The following BMP5 variants were observed in gnomAD, a reference collection of about 807,000 sequenced individuals.
The protein encoded by BMP5 is bone morphogenetic protein 5.
In BMP5, 23 loss-of-function variants were observed where a neutral mutation model predicts 46.6. The ratio of observed to expected loss-of-function variants is 0.49; its 90% CI spans 0.35 to 0.70. The LOEUF (loss-of-function observed/expected upper bound fraction) is 0.70. BMP5 is among the 30% of genes least tolerant of loss of function. The probability of loss-of-function intolerance (pLI) is 0.00; values close to 1 mark genes in which losing one functional copy is unlikely to be tolerated. For synonymous variants in BMP5, 204 were observed against 191.9 expected, an observed-to-expected ratio of 1.06 and a Z score of -0.52; for missense variants, 545 against 565.6, an observed-to-expected ratio of 0.96 and a Z score of 0.37.
chr6:55,849,079 A>C (rs1210384818), intron 1 of BMP5, among the ~76,000 whole-genome samples: 1 of 152,022 alleles, frequency 6.6e-6, no homozygotes, highest in Non-Finnish European at 1.5e-5. Flanking sequence ...AATTAGCCTC[A>C]TTGCATTTTT....
At chr6:55,756,222 C>T (rs1200372862) in intron 6 of BMP5, among the ~76,000 whole-genome samples, 1 of 151,890 alleles carries the variant, frequency 6.6e-6, no homozygotes, top group African/African-American at 2.4e-5. Context: ...CCAATACTTG[C>T]CTTAGAGCAA....
intron 1 of BMP5, among the ~76,000 whole-genome samples, chr6:55,849,289 T>C (rs1239614838): frequency 6.6e-6 from 1 of 152,036 alleles, no homozygotes; most frequent in African/African-American, 2.4e-5. Flanking sequence ...ATATAAATAA[T>C]ATCAGGTGCT....
intron 1 of BMP5, among the ~76,000 whole-genome samples, chr6:55,837,373 A>AGATG (rs1295671459): frequency 6.6e-6 from 1 of 151,356 alleles, no homozygotes. Flanking sequence ...ATAGATAGAT[A>AGATG]GATAGACAGA....
intron 3 of BMP5, among the ~76,000 whole-genome samples, chr6:55,784,737 A>G (rs1775406018): frequency 6.6e-6 from 1 of 151,750 alleles, no homozygotes; most frequent in Non-Finnish European, 1.5e-5. Flanking sequence ...AAATATAAAA[A>G]CCCAAAAATA....
chr6:55,788,770 A>G (rs1295730667), intron 3 of BMP5, among the ~76,000 whole-genome samples: 1 of 151,898 alleles, frequency 6.6e-6, no homozygotes, highest in African/African-American at 2.4e-5. Context: ...ATTTTAATCT[A>G]ATTTTCCTAA....
intron 1 of BMP5, among the ~76,000 whole-genome samples, chr6:55,843,103 A>C (rs1777003460): frequency 6.6e-6 from 1 of 152,104 alleles, no homozygotes; most frequent in Non-Finnish European, 1.5e-5. Context: ...TAAAGCATTA[A>C]GATTTTTTCT....
chr6:55,842,305 C>T (rs1379996708), intron 1 of BMP5, among the ~76,000 whole-genome samples: 4 of 152,028 alleles, frequency 2.6e-5, no homozygotes, highest in African/African-American at 9.7e-5. Context: ...GGACCCTAAC[C>T]GAATGTTCAA....
At chr6:55,869,487 AT>A (rs1252713119) in intron 1 of BMP5, among the ~76,000 whole-genome samples, 7 of 152,146 alleles carry the variant, frequency 4.6e-5, no homozygotes, top group African/African-American at 7.2e-5. Context: ...TCAAAAAAAA[AT>A]AATTTCTTCA....
At chr6:55,831,841 A>C (rs543954574) in intron 1 of BMP5, among the ~76,000 whole-genome samples, 68 of 152,264 alleles carry the variant, frequency 4.5e-4, no homozygotes, top group African/African-American at 1.6e-3. Flanking sequence ...AGGCGAACAG[A>C]AGATTTTACA....
At chr6:55,790,161 G>A (rs1239861868) in intron 3 of BMP5, among the ~76,000 whole-genome samples, 23 of 151,972 alleles carry the variant, frequency 1.5e-4, no homozygotes. Context: ...ATTGTGGTTT[G>A]CTCTACAAAA....
chr6:55,873,176 T>G (rs375394906), intron 1 of BMP5, among the ~76,000 whole-genome samples: 2 of 151,934 alleles, frequency 1.3e-5, no homozygotes, highest in African/African-American at 4.8e-5. Context: ...AAAGCATCCA[T>G]GTGTTATTAA....
At chr6:55,863,160 TTCCATAGA>T (rs1777563067) in intron 1 of BMP5, among the ~76,000 whole-genome samples, 1 of 152,184 alleles carries the variant, frequency 6.6e-6, no homozygotes, top group African/African-American at 2.4e-5. Context: ...GAACTCCAGT[TTCCATAGA>T]TGTGTGTTGT....
chr6:55,792,140 G>A (rs906511698), intron 3 of BMP5, among the ~76,000 whole-genome samples: 9 of 152,178 alleles, frequency 5.9e-5, no homozygotes, highest in Admixed American at 5.2e-4. Context: ...ATTCAACATT[G>A]TAATTAAAAG....
At chr6:55,779,519 C>T (rs1035866939) in intron 3 of BMP5, among the ~76,000 whole-genome samples, 3 of 151,966 alleles carry the variant, frequency 2.0e-5, no homozygotes, top group Non-Finnish European at 2.9e-5. Flanking sequence ...CTAAATTATA[C>T]TAGAATTCTA....
intron 1 of BMP5, among the ~76,000 whole-genome samples, chr6:55,831,935 GAGA>G (rs1012233340): frequency 2.6e-5 from 4 of 152,224 alleles, no homozygotes; most frequent in African/African-American, 7.2e-5. Flanking sequence ...TAACAGGAGA[GAGA>G]AGGTCTAACA....
At chr6:55,765,226 A>G (rs1284405004) in intron 4 of BMP5, among the ~76,000 whole-genome samples, 1 of 152,190 alleles carries the variant, frequency 6.6e-6, no homozygotes, top group Non-Finnish European at 1.5e-5. Flanking sequence ...AAAAACCTTC[A>G]TATACCATTT....
chr6:55,760,342 G>T, intron 5 of BMP5, 115 bp downstream of exon 5: 2 of 884,330 alleles, frequency 2.3e-6, no homozygotes, highest in African/African-American at 1.7e-5. Flanking sequence ...ATTCTAAATG[G>T]TCATGTCAAA....
chr6:55,857,128 T>G (rs1219423894), intron 1 of BMP5, among the ~76,000 whole-genome samples: 1 of 152,212 alleles, frequency 6.6e-6, no homozygotes, highest in Non-Finnish European at 1.5e-5. Context: ...TGTTTTCTTC[T>G]GCTCATGCAG....
rs558613974 is a variant in BMP5, at chr6:55,857,662, A to T, written c.490+16714T>A. Among the ~76,000 whole-genome samples, 24 of 152,352 alleles carry T rather than the reference A, an allele frequency of 1.6e-4. 1 individual carries two copies. In the South Asian group the frequency reaches 4.8e-3, roughly 30 times the overall value. ...AATTTGTGGGTAAATGCATGCAATT[A>T]CTACTCAATTGAAAAATAATGTATA... On this transcript the variant is annotated intron_variant, in intron 1 of 6. Transcript: ENST00000370830.
Sources: allele counts gnomAD v4.1 joint callset (sites outside exome capture counted in the v4.1 genomes callset), GRCh38; gene constraint gnomAD v4.1.1; transcripts MANE v1.5; gene names NCBI Gene and HGNC (gene_info 2026-07-23, HGNC 2026-07-21).